The following NEBL variants were observed in gnomAD, a reference collection of about 807,000 sequenced individuals.
The protein encoded by NEBL is nebulette.
Under a neutral mutation model 140.2 loss-of-function variants are expected in NEBL, and 122 were observed. That is an observed-to-expected ratio of 0.87 (90% CI 0.75 to 1.01). The LOEUF (loss-of-function observed/expected upper bound fraction) is 1.01. Ranked by LOEUF, NEBL falls within the 50% of genes least tolerant of loss-of-function variation. The pLI is 0.00. For synonymous variants in NEBL, 436 were observed against 398.9 expected, an observed-to-expected ratio of 1.09 and a Z score of -1.11; for missense variants, 1,365 against 1,231.3, an observed-to-expected ratio of 1.11 and a Z score of -1.62.
intron 2 of NEBL, among the ~76,000 whole-genome samples, chr10:21,028,235 C>CAAAAAAAAAAAAA (rs1168946872): frequency 1.8e-4 from 12 of 66,218 alleles, no homozygotes; most frequent in East Asian, 1.4e-3. Context: ...TCAAACATCT[C>CAAAAAAAAAAAAA]AAAAAAAAAA....
At chr10:21,111,945 T>C (rs653028) in intron 2 of NEBL, among the ~76,000 whole-genome samples, 7 of 152,240 alleles carry the variant, frequency 4.6e-5, no homozygotes, top group East Asian at 3.9e-4. Flanking sequence ...GAACAAACAC[T>C]TCTCAAAGGA....
At chr10:21,034,700 A>G (rs1046585986) in intron 2 of NEBL, among the ~76,000 whole-genome samples, 2 of 152,204 alleles carry the variant, frequency 1.3e-5, no homozygotes, top group Admixed American at 1.3e-4. Flanking sequence ...ACGCACTTCA[A>G]TTTATTAAGT....
intron 2 of NEBL, among the ~76,000 whole-genome samples, chr10:21,126,342 A>C (rs1838833732): frequency 6.6e-6 from 1 of 152,184 alleles, no homozygotes. Flanking sequence ...CTAGATACTG[A>C]GATTAGAGTG....
At chr10:21,196,347 T>TTATTTATC (rs1554832552) in intron 3 of NEBL, among the ~76,000 whole-genome samples, 9 of 148,358 alleles carry the variant, frequency 6.1e-5, no homozygotes, top group Non-Finnish European at 3.0e-5. Flanking sequence ...ATTTATTTAT[T>TTATTTATC]TATCTATTTA....
chr10:21,269,342 A>G (rs1353769791), intron 1 of NEBL, among the ~76,000 whole-genome samples: 1 of 152,226 alleles, frequency 6.6e-6, no homozygotes, highest in African/African-American at 2.4e-5. Flanking sequence ...CATGCCTGTC[A>G]CAGCCACCTC....
intron 3 of NEBL, among the ~76,000 whole-genome samples, chr10:21,224,902 G>T (rs187834488): frequency 1.3e-5 from 2 of 152,014 alleles, no homozygotes; most frequent in African/African-American, 2.4e-5. Flanking sequence ...TAGTTTTTTG[G>T]TGGAGTCCTC....
rs1025207988 is a variant in NEBL, at chr10:21,084,596, C to CA, written c.165-64396dup. On this transcript the variant is annotated intron_variant, in intron 2 of 6. Coordinates refer to the NEBL transcript ENST00000417816. The stretch of plus-strand genomic sequence containing the variant: ...TGGGTGACGGAGCAAGACTCTGTCC[C>CA]AAAAAAAAAATAAAAAAATAAAAAT... 6.3e-3 allele frequency among the ~76,000 whole-genome samples: 877 copies of CA among 140,250 alleles called. 4 individuals are homozygous for CA. The highest frequency in any genetic ancestry group is 7.3e-3 in the Non-Finnish European group (473 of 64,464). 92.0% of individuals were successfully genotyped at this position (140,250 alleles called of 152,430 possible). A position where few individuals can be genotyped will look rare whatever the true frequency, so the allele number is the denominator to read the frequency against.
chr10:20,850,354 A>T, intron 11 of NEBL, 41 bp downstream of exon 11: 1 of 1,435,426 alleles, frequency 7.0e-7, no homozygotes, highest in Non-Finnish European at 9.8e-7. Flanking sequence ...ACAAAACATC[A>T]AATTTACATT....
intron 2 of NEBL, chr10:21,029,508 T>C: frequency 1.9e-6 from 3 of 1,610,890 alleles, no homozygotes; most frequent in Non-Finnish European, 2.5e-6. Flanking sequence ...GAGTGGACGT[T>C]GCTGATCAAG....
At chr10:21,224,388 C>A (rs1033231966) in intron 3 of NEBL, among the ~76,000 whole-genome samples, 4 of 152,086 alleles carry the variant, frequency 2.6e-5, no homozygotes, top group Non-Finnish European at 4.4e-5. Flanking sequence ...TGTTTTTATG[C>A]CAGTGCCATG....
rs1441010045 is a variant in NEBL, at chr10:20,849,628, CA to C, written c.1116+766del. ...TTCCACCTTCTGCCATGGGATGATT[CA>C]GCAAGAAGACCCTTGGCAGATGTGA... On this transcript the variant is annotated intron_variant, in intron 11 of 27. Coordinates refer to ENST00000377122, the MANE Select transcript of NEBL (RefSeq NM_006393.3). 8.5e-5 allele frequency among the ~76,000 whole-genome samples: 13 copies of C among 152,296 alleles called. No homozygotes were observed. The South Asian group carries it at 2.7e-3, about 32-fold the overall frequency.
rs187641675 is a variant in NEBL at position 21,200,482 on chromosome 10, T to A, written n.349-28005A>T. Among the ~76,000 whole-genome samples the A allele has an allele frequency of 2.0e-3, 305 of 151,998 alleles. 3 individuals are homozygous for A. Among genetic ancestry groups the A allele is most frequent in the Middle Eastern group, 0.014 (4 of 294 alleles). The stretch of plus-strand genomic sequence containing the variant: ...GTGCACACCACCATGCCCAGCTAAC[T>A]TTTGTATTTTTAATAGAGATGGGGT... On this transcript the variant is annotated intron_variant and non_coding_transcript_variant, in intron 3 of 8. Coordinates refer to the NEBL transcript ENST00000675702.
At chr10:21,062,202 C>G (rs1487367330) in intron 2 of NEBL, among the ~76,000 whole-genome samples, 5 of 152,070 alleles carry the variant, frequency 3.3e-5, no homozygotes, top group Non-Finnish European at 7.4e-5. Context: ...ATCAATACAG[C>G]TAAATTCTTA....
chr10:20,858,025 A>C (rs1240815401), intron 9 of NEBL, among the ~76,000 whole-genome samples: 1 of 152,144 alleles, frequency 6.6e-6, no homozygotes, highest in Admixed American at 6.5e-5. Flanking sequence ...AGTTGTATGC[A>C]GGAGATACTG....
chr10:21,076,489 C>T (rs1283296967), intron 2 of NEBL, among the ~76,000 whole-genome samples: 1 of 140,126 alleles, frequency 7.1e-6, no homozygotes, highest in Non-Finnish European at 1.5e-5. Flanking sequence ...TACCACACAA[C>T]CCAACAATTC....
intron 16 of NEBL, among the ~76,000 whole-genome samples, chr10:20,830,757 A>C (rs1291254370): frequency 2.0e-5 from 3 of 151,444 alleles, no homozygotes; most frequent in Non-Finnish European, 2.9e-5. Context: ...AGAAAGAAAG[A>C]AAAGGTTAAA....
chr10:21,125,912 T>C, intron 2 of NEBL: 1 of 1,614,250 alleles, frequency 6.2e-7, no homozygotes, highest in Non-Finnish European at 8.5e-7. Context: ...CCTTTGGTTA[T>C]ACCTTCTGGT....
intron 2 of NEBL, among the ~76,000 whole-genome samples, chr10:20,894,900 G>A (rs1371959008): frequency 7.0e-6 from 1 of 143,678 alleles, no homozygotes; most frequent in Non-Finnish European, 1.5e-5. Context: ...CTGCCCTCCA[G>A]CCTGGGTGAT....
chr10:20,825,567 T>G (rs1241338343), intron 18 of NEBL, among the ~76,000 whole-genome samples: 1 of 151,778 alleles, frequency 6.6e-6, no homozygotes, highest in African/African-American at 2.4e-5. Flanking sequence ...CTCGGGAGGC[T>G]GAGACAGAAG....
Sources: allele counts gnomAD v4.1 joint callset (sites outside exome capture counted in the v4.1 genomes callset), GRCh38; gene constraint gnomAD v4.1.1; transcripts MANE v1.5; gene names NCBI Gene and HGNC (gene_info 2026-07-23, HGNC 2026-07-21).